CAMK2B: variants seen among roughly 807,000 people sequenced by gnomAD.
CAMK2B encodes the protein calcium/calmodulin dependent protein kinase II beta.
A neutral mutation model predicts 93.7 loss-of-function variants in CAMK2B; 27 were observed. The ratio of observed to expected loss-of-function variants is 0.29; its 90% CI spans 0.21 to 0.40. The LOEUF is 0.40. Among genes scored for constraint, CAMK2B ranks in the 10% least tolerant of loss-of-function variants. CAMK2B has a pLI of 1.00. For missense variants in CAMK2B, 568 were observed against 895.8 expected (o/e 0.63, Z 4.67); for synonymous variants, 374 against 358.8 (o/e 1.04, Z -0.48).
intron 9 of CAMK2B, 33 bp downstream of exon 9, chr7:44,242,527 G>A (rs534743545): frequency 6.4e-7 from 1 of 1,567,696 alleles, no homozygotes; most frequent in East Asian, 2.3e-5. Flanking sequence ...CCTGGAGGAA[G>A]GGAGCTCATC....
At chr7:44,306,898 A>AGG (rs1791802117) in intron 1 of CAMK2B, among the ~76,000 whole-genome samples, 3 of 89,874 alleles carry the variant, frequency 3.3e-5, no homozygotes, top group Non-Finnish European at 4.4e-5. Flanking sequence ...TGTGAGCAGG[A>AGG]AGACGGTGTG....
chr7:44,314,170 T>A (rs1584917147), intron 1 of CAMK2B, among the ~76,000 whole-genome samples: 1 of 152,236 alleles, frequency 6.6e-6, no homozygotes, highest in African/African-American at 2.4e-5. Flanking sequence ...GAGTATATAA[T>A]TCAGATAAAT....
At chr7:44,321,736 AAG>A (rs1440180342) in intron 1 of CAMK2B, among the ~76,000 whole-genome samples, 2 of 152,202 alleles carry the variant, frequency 1.3e-5, no homozygotes, top group Admixed American at 1.3e-4. Flanking sequence ...CATGTTTGAA[AAG>A]AGACAACTCC....
chr7:44,322,246 A>C (rs1166345425), intron 1 of CAMK2B, among the ~76,000 whole-genome samples: 3 of 152,236 alleles, frequency 2.0e-5, no homozygotes, highest in African/African-American at 7.2e-5. Flanking sequence ...AGTTAAGAAA[A>C]ACACCCACAC....
chr7:44,229,175 C>T, intron 18 of CAMK2B: 4 of 615,782 alleles, frequency 6.5e-6, no homozygotes, highest in Middle Eastern at 2.7e-4. Flanking sequence ...TGCCCAGTGG[C>T]CTTGAGCAGG....
At chr7:44,293,456 C>T (rs886210802) in intron 1 of CAMK2B, among the ~76,000 whole-genome samples, 5 of 152,124 alleles carry the variant, frequency 3.3e-5, no homozygotes, top group African/African-American at 1.2e-4. Context: ...ACAGCCAGAT[C>T]GAGTTTGTAC....
chr7:44,293,552 T>C (rs1008878535), intron 1 of CAMK2B, among the ~76,000 whole-genome samples: 2 of 152,126 alleles, frequency 1.3e-5, no homozygotes, highest in Non-Finnish European at 2.9e-5. Context: ...TGGAAGGCAA[T>C]TTTTCCACAG....
At chr7:44,323,868 C>T (rs1435561191) in intron 1 of CAMK2B, 3 of 161,792 alleles carry the variant, frequency 1.9e-5, no homozygotes, top group East Asian at 1.9e-4. Flanking sequence ...GGGGGTAGAT[C>T]GGTGCATCTG....
chr7:44,325,418 C>T lies in CAMK2B; in HGVS notation c.4G>A (p.Ala2Thr). 8.6e-7 allele frequency: 1 copy of T among 1,165,256 alleles called. No homozygotes were observed. Among genetic ancestry groups the T allele is most frequent in the Non-Finnish European group, 1.1e-6 (1 of 923,588 alleles). 72.2% of individuals were successfully genotyped at this position (1,165,256 alleles called of 1,614,324 possible). The change falls in exon 1 of 24, where the codon GCC becomes ACC. Residue 2 changes from alanine (A) to threonine (T), a missense_variant. Transcript: ENST00000395749. ...AAGCGGGTGCAGGTCACCGTGGTGG[C>T]CATGGCGGCGGCGGACGGGCTCGGC... MATTVTCTRFTD... is the reference protein window; with the variant it reads MTTTVTCTRFTD...
intron 7 of CAMK2B, 32 bp from the exon 8 acceptor site, chr7:44,243,365 G>A (rs774852118): frequency 2.5e-6 from 4 of 1,611,914 alleles, no homozygotes; most frequent in Non-Finnish European, 3.4e-6. Context: ...ACAAGGGGCT[G>A]TCAGCATCAC....
In CAMK2B at chr7:44,239,680, A is replaced by C; in HGVS notation, c.947-17T>G. On this transcript the variant is annotated splice_polypyrimidine_tract_variant and intron_variant, in intron 12 of 23. Coordinates refer to ENST00000395749, the MANE Select transcript of CAMK2B (RefSeq NM_001220.5). ...GTCTGCCCACTGTTAGCACCGGGTT[A>C]GAGACGAGGGGAAGGGAGGGGTGGG... 7.1e-7 allele frequency: 1 copy of C among 1,402,630 alleles called. No individual in the cohort carries two copies. The highest frequency in any genetic ancestry group is 1.5e-5 in the African/African-American group (1 of 68,214). The allele number at this position is 1,402,630 out of a possible 1,614,324, so 86.9% of individuals were successfully genotyped here. A position where few individuals can be genotyped will look rare whatever the true frequency, so the allele number is the denominator to read the frequency against.
intron 3 of CAMK2B, chr7:44,259,368 A>C: frequency 5.5e-6 from 1 of 181,400 alleles, no homozygotes; most frequent in Non-Finnish European, 1.2e-5. Flanking sequence ...GACAAAAACC[A>C]CTCATTATTC....
At chr7:44,267,955 A>G (rs1480017296) in intron 2 of CAMK2B, 1 of 152,260 alleles carries the variant, frequency 6.6e-6, no homozygotes, top group African/African-American at 2.4e-5. Context: ...CTCTGCACAG[A>G]GCCCTGGCCT....
intron 5 of CAMK2B, among the ~76,000 whole-genome samples, chr7:44,252,559 G>A (rs1305077943): frequency 6.7e-6 from 1 of 150,354 alleles, no homozygotes; most frequent in Non-Finnish European, 1.5e-5. Context: ...GGGAGGGTGG[G>A]GCTGTGGTCT....
At chr7:44,236,065 A>G (rs1258845358) in intron 13 of CAMK2B, among the ~76,000 whole-genome samples, 1 of 152,224 alleles carries the variant, frequency 6.6e-6, no homozygotes, top group Non-Finnish European at 1.5e-5. Context: ...CTCCTGAGCC[A>G]GAACTTCTGC....
At chr7:44,297,200 C>T (rs190294355) in intron 1 of CAMK2B, among the ~76,000 whole-genome samples, 18 of 151,968 alleles carry the variant, frequency 1.2e-4, no homozygotes, top group East Asian at 1.2e-3. Context: ...TCACTACATG[C>T]GAAATGGTGT....
At chr7:44,232,712 A>T in intron 16 of CAMK2B, 110 bp downstream of exon 16, 1 of 914,896 alleles carries the variant, frequency 1.1e-6, no homozygotes, top group Non-Finnish European at 1.6e-6. Flanking sequence ...AGGGGCGGCC[A>T]GGGCATGGGA....
In CAMK2B at chr7:44,229,503, T is replaced by C; in HGVS notation, c.1226-2A>G. On this transcript the variant is annotated splice_acceptor_variant, in intron 17 of 23. Coordinates refer to ENST00000395749, the MANE Select transcript of CAMK2B (RefSeq NM_001220.5). LOFTEE classifies it high-confidence loss of function. The stretch of plus-strand genomic sequence containing the variant: ...TCAGGATGTCGGGGACCCTGGGGGC[T>C]GAGGCGGAACAGGTGAGGCAGGCAG... 1 of 1,412,212 alleles carries C rather than the reference T, an allele frequency of 7.1e-7. No homozygotes were observed. Among genetic ancestry groups the C allele is most frequent in the Non-Finnish European group, 9.3e-7 (1 of 1,077,586 alleles). 87.5% of individuals were successfully genotyped at this position (1,412,212 alleles called of 1,614,324 possible).
At chr7:44,249,871 C>T (rs1030470752) in intron 5 of CAMK2B, among the ~76,000 whole-genome samples, 9 of 152,286 alleles carry the variant, frequency 5.9e-5, no homozygotes, top group African/African-American at 4.8e-5. Flanking sequence ...ACAGTTGGCT[C>T]GCCCAGTCCT....
Sources: allele counts gnomAD v4.1 joint callset (sites outside exome capture counted in the v4.1 genomes callset), GRCh38; gene constraint gnomAD v4.1.1; transcripts MANE v1.5; gene names NCBI Gene and HGNC (gene_info 2026-07-23, HGNC 2026-07-21).